ERC2: variants seen among roughly 807,000 people sequenced by gnomAD.
ERC2 encodes the protein ERC protein 2.
In ERC2, 42 loss-of-function variants were observed where a neutral mutation model predicts 114.8. The observed-to-expected ratio is 0.37, with a 90% confidence interval of 0.29 to 0.47. ERC2 has a LOEUF of 0.47. Among genes scored for constraint, ERC2 ranks in the 20% least tolerant of loss-of-function variants. The pLI is 0.99. For synonymous variants in ERC2, 454 were observed against 425.5 expected (o/e 1.07, Z -0.82); for missense variants, 939 against 1,150.7 (o/e 0.82, Z 2.66).
chr3:55,914,366 T>C (rs1229260042), intron 13 of ERC2, among the ~76,000 whole-genome samples: 1 of 152,184 alleles, frequency 6.6e-6, no homozygotes, highest in Non-Finnish European at 1.5e-5. Flanking sequence ...TGTTACATTA[T>C]TCTTAACACT....
intron 17 of ERC2, among the ~76,000 whole-genome samples, chr3:55,572,913 C>A (rs922865237): frequency 1.3e-5 from 2 of 152,194 alleles, no homozygotes; most frequent in Non-Finnish European, 2.9e-5. Flanking sequence ...AACAACACTT[C>A]TAAGTACTGC....
At chr3:55,564,243 A>G (rs533198191) in intron 17 of ERC2, among the ~76,000 whole-genome samples, 1 of 152,302 alleles carries the variant, frequency 6.6e-6, no homozygotes, top group South Asian at 2.1e-4. Flanking sequence ...TCTGCTGGAG[A>G]GGAAGGTGAA....
In ERC2 at chr3:55,729,837, C is replaced by CAAAAAAAAAAAAAAAAAAAAAAAAAAAA. The variant is rs71096498; in HGVS notation, c.2712+4906_2712+4933dup. Among the ~76,000 whole-genome samples, 5 of 61,630 alleles carry CAAAAAAAAAAAAAAAAAAAAAAAAAAAA rather than the reference C, an allele frequency of 8.1e-5. 1 individual carries two copies. Among genetic ancestry groups the CAAAAAAAAAAAAAAAAAAAAAAAAAAAA allele is most frequent in the African/African-American group, 3.4e-4 (4 of 11,686 alleles). The allele number at this position is 61,630 out of a possible 152,430, so 40.4% of individuals were successfully genotyped here. A position where few individuals can be genotyped will look rare whatever the true frequency, so the allele number is the denominator to read the frequency against. On this transcript the variant is annotated intron_variant, in intron 15 of 17. Transcript: ENST00000288221. ...AGGGTAATGCAGTGAGACTCTATCG[C>CAAAAAAAAAAAAAAAAAAAAAAAAAAAA]AAAAAAAAAAAAAAAAAAAAAAAAA...
intron 14 of ERC2, among the ~76,000 whole-genome samples, chr3:55,758,573 C>A (rs915420366): frequency 6.6e-6 from 1 of 152,216 alleles, no homozygotes; most frequent in Non-Finnish European, 1.5e-5. Context: ...TGCCTGTCCC[C>A]ATTTGACAAC....
intron 5 of ERC2, among the ~76,000 whole-genome samples, chr3:56,146,221 A>C (rs534595818): frequency 2.0e-5 from 3 of 152,188 alleles, no homozygotes; most frequent in Non-Finnish European, 2.9e-5. Flanking sequence ...TGGGAGGTAG[A>C]GGCTGCAGTG....
In ERC2 at chr3:56,170,061, C is replaced by A. The variant is rs115964703; in HGVS notation, c.1149+3385G>T. 4.0e-4 allele frequency among the ~76,000 whole-genome samples: 61 copies of A among 152,274 alleles called. 1 individual carries two copies. The highest frequency in any genetic ancestry group is 1.4e-3 in the African/African-American group (59 of 41,560). On this transcript the variant is annotated intron_variant, in intron 4 of 17. Transcript: ENST00000288221. ...AAAAGCAAGAGAAAGAGGAGCACTGCAATATCTACAAGAAACTAATTTTCC... is the reference window on the plus strand; with the variant it reads ...AAAAGCAAGAGAAAGAGGAGCACTGAAATATCTACAAGAAACTAATTTTCC...
At chr3:56,387,717 G>A (rs2059984563) in intron 2 of ERC2, among the ~76,000 whole-genome samples, 1 of 152,158 alleles carries the variant, frequency 6.6e-6, no homozygotes, top group African/African-American at 2.4e-5. Flanking sequence ...CCATTTCAAA[G>A]AAGAATATCA....
intron 4 of ERC2, among the ~76,000 whole-genome samples, chr3:56,160,585 T>C (rs1560280407): frequency 6.6e-6 from 1 of 152,226 alleles, no homozygotes; most frequent in Non-Finnish European, 1.5e-5. Flanking sequence ...TCCTAGATTT[T>C]CTTCTGGGAT....
intron 15 of ERC2, among the ~76,000 whole-genome samples, chr3:55,706,857 T>G (rs1402688361): frequency 6.6e-6 from 1 of 152,198 alleles, no homozygotes; most frequent in East Asian, 1.9e-4. Context: ...TTCTCATCAC[T>G]TAGCGTGACA....
In ERC2 at chr3:56,312,248, T is replaced by A. The variant is rs181437388; in HGVS notation, c.658-15813A>T. ...AATTTTAATTCTGTCCTGCTACTTA[T>A]TGTTGTCATAATTTAAAGAACAATC... is the stretch of plus-strand genomic sequence containing the variant. On this transcript the variant is annotated intron_variant, in intron 2 of 17. Coordinates refer to ENST00000288221, the MANE Select transcript of ERC2 (RefSeq NM_015576.3). 5.2e-3 allele frequency among the ~76,000 whole-genome samples: 794 copies of A among 152,254 alleles called. 4 individuals are homozygous for A. Among genetic ancestry groups the A allele is most frequent in the African/African-American group, 0.018 (737 of 41,550 alleles).
chr3:55,851,498 C>T (rs1193146175), intron 14 of ERC2, among the ~76,000 whole-genome samples: 5 of 152,144 alleles, frequency 3.3e-5, no homozygotes, highest in Admixed American at 1.3e-4. Context: ...TTCTGGCTTG[C>T]GTGCCCAACC....
intron 2 of ERC2, among the ~76,000 whole-genome samples, chr3:56,399,621 G>C (rs779913186): frequency 3.3e-5 from 5 of 152,102 alleles, no homozygotes; most frequent in Non-Finnish European, 7.4e-5. Flanking sequence ...CATATAACAA[G>C]ATTTTACAGG....
intron 6 of ERC2, among the ~76,000 whole-genome samples, chr3:56,100,701 C>T (rs983581332): frequency 2.6e-5 from 4 of 152,194 alleles, no homozygotes; most frequent in Non-Finnish European, 5.9e-5. Context: ...TTTTCTGAAA[C>T]ATCTTTCCTC....
At chr3:56,354,792 C>T (rs1293331244) in intron 2 of ERC2, among the ~76,000 whole-genome samples, 3 of 152,130 alleles carry the variant, frequency 2.0e-5, no homozygotes, top group African/African-American at 7.2e-5. Flanking sequence ...TTCTACAAGA[C>T]CTAGTTATTC....
At chr3:55,823,664 A>G (rs1054694318) in intron 14 of ERC2, among the ~76,000 whole-genome samples, 1 of 152,218 alleles carries the variant, frequency 6.6e-6, no homozygotes, top group African/African-American at 2.4e-5. Flanking sequence ...GAGGGGACAC[A>G]GGGTATGGCA....
At chr3:55,546,152 A>C (rs533035701) in intron 17 of ERC2, among the ~76,000 whole-genome samples, 8 of 152,164 alleles carry the variant, frequency 5.3e-5, no homozygotes, top group Non-Finnish European at 8.8e-5. Context: ...AATGAAAAGA[A>C]GAATAACGGC....
At chr3:56,277,456 G>A (rs548243123) in intron 3 of ERC2, among the ~76,000 whole-genome samples, 6 of 151,966 alleles carry the variant, frequency 3.9e-5, no homozygotes, top group African/African-American at 7.2e-5. Context: ...TGCCTCCCTC[G>A]TGACTGTCAC....
At chr3:55,774,709 C>A (rs992890064) in intron 14 of ERC2, among the ~76,000 whole-genome samples, 1 of 152,222 alleles carries the variant, frequency 6.6e-6, no homozygotes, top group African/African-American at 2.4e-5. Flanking sequence ...TTGGGTGACC[C>A]AGGCAGGCTT....
intron 12 of ERC2, among the ~76,000 whole-genome samples, chr3:55,966,698 T>C (rs1245327987): frequency 6.6e-6 from 1 of 152,170 alleles, no homozygotes; most frequent in Non-Finnish European, 1.5e-5. Context: ...CCTAACTGAA[T>C]ACCTCTGATT....
Sources: allele counts gnomAD v4.1 joint callset (sites outside exome capture counted in the v4.1 genomes callset), GRCh38; gene constraint gnomAD v4.1.1; transcripts MANE v1.5; gene names NCBI Gene and HGNC (gene_info 2026-07-23, HGNC 2026-07-21).